The following CHD9NB variants were observed in gnomAD, a reference collection of about 807,000 sequenced individuals.
CHD9NB encodes the protein CHD9 neighbor protein.
At chr16:53,036,581 C>G in the CHD9NB span, among the ~76,000 whole-genome samples, 1 of 152,126 alleles carries the variant, frequency 6.6e-6, no homozygotes, top group East Asian at 1.9e-4. Flanking sequence ...ATTATCAGAC[C>G]CAGAGGGCAC....
At chr16:53,040,321 A>C in the CHD9NB span, among the ~76,000 whole-genome samples, 11 of 151,816 alleles carry the variant, frequency 7.2e-5, no homozygotes, top group African/African-American at 2.4e-4. Context: ...TGATCCACCC[A>C]CCGTGGCCTC....
the CHD9NB span, among the ~76,000 whole-genome samples, chr16:53,051,795 A>ATAT: frequency 1.2e-5 from 1 of 86,920 alleles, no homozygotes; most frequent in Non-Finnish European, 3.0e-5. Context: ...ATATATATAT[A>ATAT]TATATATATA....
the CHD9NB span, among the ~76,000 whole-genome samples, chr16:53,045,090 T>G: frequency 2.0e-5 from 3 of 152,080 alleles, no homozygotes; most frequent in Admixed American, 6.5e-5. Flanking sequence ...CATGCCACCA[T>G]GCCCAGCTAA....
At chr16:53,041,215 G>A in the CHD9NB span, among the ~76,000 whole-genome samples, 1 of 152,236 alleles carries the variant, frequency 6.6e-6, no homozygotes, top group Admixed American at 6.5e-5. Flanking sequence ...TTGGGAAGTT[G>A]GCCTTTGCAG....
At chr16:53,035,832 GC>G in the CHD9NB span, 1 of 152,142 alleles carries the variant, frequency 6.6e-6, no homozygotes, top group Non-Finnish European at 1.5e-5. Flanking sequence ...AGGCATGGTG[GC>G]ACATGCCTGT....
the CHD9NB span, among the ~76,000 whole-genome samples, chr16:53,037,569 A>G: frequency 2.2e-4 from 33 of 152,352 alleles, no homozygotes; most frequent in African/African-American, 6.5e-4. Flanking sequence ...TAAATGGGCA[A>G]TCTGCCTTCT....
the CHD9NB span, chr16:53,047,244 C>G: frequency 6.6e-6 from 1 of 152,160 alleles, no homozygotes; most frequent in Non-Finnish European, 1.5e-5. Context: ...AACTGGAACT[C>G]TCATATATTG....
the CHD9NB span, chr16:53,052,640 C>T: frequency 6.6e-6 from 1 of 152,410 alleles, no homozygotes; most frequent in Non-Finnish European, 1.5e-5. Flanking sequence ...TTTGCCCAGG[C>T]ATGCTTTGGG....
the CHD9NB span, among the ~76,000 whole-genome samples, chr16:53,049,322 TTGTGTG>T: frequency 0.021 from 3,027 of 144,822 alleles, 35 homozygotes; most frequent in African/African-American, 0.03. Flanking sequence ...CCCCCAGCTG[TTGTGTG>T]TGTGTGTGTG....
the CHD9NB span, chr16:53,042,913 A>T: frequency 6.6e-6 from 1 of 152,172 alleles, no homozygotes; most frequent in Non-Finnish European, 1.5e-5. Context: ...CATCTATAAA[A>T]TGGGAGTAGT....
chr16:53,043,949 CA>C, the CHD9NB span: 1 of 398,592 alleles, frequency 2.5e-6, no homozygotes, highest in Non-Finnish European at 4.4e-6. Flanking sequence ...GTTCTGGGGC[CA>C]AAGGCAGTTC....
At chr16:53,051,810 T>TAA in the CHD9NB span, among the ~76,000 whole-genome samples, 4 of 136,182 alleles carry the variant, frequency 2.9e-5, no homozygotes, top group South Asian at 4.7e-4. Context: ...TATATATATA[T>TAA]AATGAGTACC....
the CHD9NB span, among the ~76,000 whole-genome samples, chr16:53,039,090 C>T: frequency 6.6e-6 from 1 of 152,084 alleles, no homozygotes; most frequent in African/African-American, 2.4e-5. Flanking sequence ...CAACTCCATC[C>T]TCTAAACAGT....
At chr16:53,046,284 G>A in the CHD9NB span, among the ~76,000 whole-genome samples, 1 of 152,054 alleles carries the variant, frequency 6.6e-6, no homozygotes, top group African/African-American at 2.4e-5. Context: ...GGAGCACCCA[G>A]GGGCAAGGTG....
the CHD9NB span, among the ~76,000 whole-genome samples, chr16:53,040,104 C>T: frequency 6.6e-6 from 1 of 151,890 alleles, no homozygotes; most frequent in Non-Finnish European, 1.5e-5. Context: ...CTCACTCTGT[C>T]GCCAGGATAG....
the CHD9NB span, among the ~76,000 whole-genome samples, chr16:53,052,558 C>T: frequency 6.6e-6 from 1 of 152,164 alleles, no homozygotes; most frequent in African/African-American, 2.4e-5. Context: ...CAGGAGAACT[C>T]AGAAGAGAAA....
At chr16:53,044,231 G>A in the CHD9NB span, 1 of 398,202 alleles carries the variant, frequency 2.5e-6, no homozygotes, top group Non-Finnish European at 4.4e-6. Flanking sequence ...TCCTCCTTGG[G>A]GGCCAGCGTT....
At chr16:53,043,826 A>C in the CHD9NB span, 1 of 394,816 alleles carries the variant, frequency 2.5e-6, no homozygotes, top group Non-Finnish European at 4.5e-6. Context: ...TATCCTCCCC[A>C]CCTCTCCAAT....
At chr16:53,038,338 A>G in the CHD9NB span, among the ~76,000 whole-genome samples, 2 of 152,082 alleles carry the variant, frequency 1.3e-5, no homozygotes, top group African/African-American at 4.8e-5. Context: ...AAACTGACAC[A>G]TAATTTTATT....
Sources: allele counts gnomAD v4.1 joint callset (sites outside exome capture counted in the v4.1 genomes callset), GRCh38; gene constraint gnomAD v4.1.1; transcripts MANE v1.5; gene names NCBI Gene and HGNC (gene_info 2026-07-23, HGNC 2026-07-21).